EML2: variants seen among roughly 807,000 people sequenced by gnomAD.
The protein encoded by EML2 is EMAP like 2, also known as echinoderm microtubule-associated protein-like 2.
In EML2, 59 loss-of-function variants were observed where a neutral mutation model predicts 84.7. That is an observed-to-expected ratio of 0.70 (90% confidence interval 0.56 to 0.86). EML2 has a LOEUF of 0.86. Among genes scored for constraint, EML2 ranks in the 40% least tolerant of loss-of-function variants. EML2 has a pLI of 0.00. For missense variants in EML2, 818 were observed against 855.6 expected, an observed-to-expected ratio of 0.96 and a Z score of 0.55; for synonymous variants, 352 against 348.9, an observed-to-expected ratio of 1.01 and a Z score of -0.10.
chr19:45,609,899 T>C, intron 18 of EML2, 111 bp from the exon 19 acceptor site: 18 of 1,357,350 alleles, frequency 1.3e-5, no homozygotes, highest in Non-Finnish European at 1.8e-5. Flanking sequence ...TTTTTTTTTT[T>C]TTTAATCACT....
At chr19:45,627,915 G>C (rs1446830898) in intron 7 of EML2, among the ~76,000 whole-genome samples, 1 of 152,098 alleles carries the variant, frequency 6.6e-6, no homozygotes, top group African/African-American at 2.4e-5. Flanking sequence ...TACAAAATTA[G>C]CTGGTCGTGG....
upstream of EML2, chr19:45,645,421 TA>T (rs1322888079): frequency 6.8e-7 from 1 of 1,464,992 alleles, no homozygotes; most frequent in Non-Finnish European, 8.9e-7. Context: ...CCCGTTGCCA[TA>T]GCAACGCCCT....
At chr19:45,612,057 C>CT (rs150881342) in intron 18 of EML2, among the ~76,000 whole-genome samples, 13,031 of 145,146 alleles carry the variant, frequency 0.09, 628 homozygotes, top group East Asian at 0.23. Context: ...TTTTTGTATT[C>CT]TTTTTTTTTT....
chr19:45,639,664 C>T (rs187129939), upstream of EML2, among the ~76,000 whole-genome samples: 1 of 152,278 alleles, frequency 6.6e-6, no homozygotes, highest in Non-Finnish European at 1.5e-5. Context: ...GTCGTCCAAC[C>T]TCTGCCTCGG....
At position 45,632,884 on chromosome 19, in the gene EML2, A is replaced by G; in HGVS notation, c.487T>C (p.Cys163Arg). The G allele has an allele frequency of 1.2e-6, 2 of 1,614,118 alleles. No individual in the cohort carries two copies. The highest frequency in any genetic ancestry group is 1.7e-6 in the Non-Finnish European group (2 of 1,179,966). Residue 163 changes from cysteine (C) to arginine (R), a missense_variant, in exon 6 of 19, where the codon TGC (cysteine) becomes CGC (arginine). Coordinates refer to ENST00000245925, the MANE Select transcript of EML2 (RefSeq NM_012155.4). ...LGLGVFDRAV[C>R]CVGFSKSNGG... ...ACAGATTTGGAGAAGCCCACACAGC[A>G]CACGGCTCTGTCAAACACCCCCAAG... is the stretch of plus-strand genomic sequence containing the variant.
chr19:45,630,327 G>A (rs1349663459), intron 6 of EML2, among the ~76,000 whole-genome samples: 1 of 152,064 alleles, frequency 6.6e-6, no homozygotes, highest in Non-Finnish European at 1.5e-5. Context: ...GCCGAGGCAG[G>A]TGGATCACGA....
At chr19:45,626,960 CT>C (rs5828242) in intron 7 of EML2, 121 bp from the exon 8 acceptor site, 31,271 of 523,162 alleles carry the variant, frequency 0.06, 33 homozygotes, top group South Asian at 0.068. Context: ...CTGAACTTTT[CT>C]TTTTTTTTTT....
intron 9 of EML2, 112 bp from the exon 10 acceptor site, chr19:45,621,749 C>T: frequency 8.1e-7 from 1 of 1,240,600 alleles, no homozygotes; most frequent in Non-Finnish European, 1.1e-6. Flanking sequence ...CACTTTTCCA[C>T]CTTTTTTTTT....
At chr19:45,638,806 G>GC in intron 2 of EML2, 39 bp downstream of exon 2, 1 of 1,610,260 alleles carries the variant, frequency 6.2e-7, no homozygotes, top group Non-Finnish European at 8.5e-7. Flanking sequence ...ACCCCAACAA[G>GC]CAAGCTTCCA....
chr19:45,641,408 T>C, upstream of EML2: 1 of 511,628 alleles, frequency 2.0e-6, no homozygotes, highest in Non-Finnish European at 3.5e-6. Context: ...GACCTGACCG[T>C]CCAGCTTCTA....
upstream of EML2, chr19:45,645,456 C>A (rs767048991): frequency 7.1e-6 from 10 of 1,413,050 alleles, no homozygotes; most frequent in Non-Finnish European, 9.1e-6. Flanking sequence ...CCCAGCTCAG[C>A]TCGCCTGGCA....
At chr19:45,639,288 G>A (rs996773093) in intron 1 of EML2, 69 bp downstream of exon 1, 1 of 1,337,422 alleles carries the variant, frequency 7.5e-7, no homozygotes, top group South Asian at 1.9e-5. Context: ...CAGGGGTTGG[G>A]TGAAACCTGA....
intron 16 of EML2, among the ~76,000 whole-genome samples, chr19:45,615,595 C>T (rs1366619845): frequency 6.6e-6 from 1 of 151,382 alleles, no homozygotes; most frequent in Non-Finnish European, 1.5e-5. Flanking sequence ...CTGCATCCTA[C>T]CCATCCGACC....
Position 45,634,290 on chromosome 19 carries a change from C to A in EML2, c.329+32G>T, listed in dbSNP as rs1973440788. Reference sequence around the variant, plus strand: ...GCTGGAGCTCCATCTCCAGCCACAGCTCCCTCCCGTCCCCTCTGTCCCACA... The same window carrying A: ...GCTGGAGCTCCATCTCCAGCCACAGATCCCTCCCGTCCCCTCTGTCCCACA... On this transcript the variant is annotated intron_variant, in intron 4 of 18. Transcript: ENST00000245925. 4.3e-6 allele frequency: 7 copies of A among 1,611,774 alleles called. No individual in the cohort carries two copies. The East Asian group carries it at 1.6e-4, about 36-fold the overall frequency.
At chr19:45,611,221 C>G (rs1970460340) in intron 18 of EML2, among the ~76,000 whole-genome samples, 1 of 151,958 alleles carries the variant, frequency 6.6e-6, no homozygotes, top group Non-Finnish European at 1.5e-5. Context: ...ACCAGCCTGA[C>G]CAATATGGAG....
Position 45,615,820 on chromosome 19 carries a change from C to G in EML2, c.1579G>C (p.Asp527His), listed in dbSNP as rs1600085118. Reference protein sequence around the residue: ...DSSCFVTNSGDYEILYWDPAT... With the variant: ...DSSCFVTNSGHYEILYWDPAT... The stretch of plus-strand genomic sequence containing the variant: ...AACTCACAGTACAGAATCTCATAGT[C>G]CCCGGAGTTGGTGACAAAGCAGCTG... The change falls in exon 16 of 19, where the codon GAC (aspartate) becomes CAC (histidine). Residue 527 changes from aspartate to histidine, a missense_variant. Physicochemically the swap from Asp to His is moderately conservative, Grantham distance 81. Coordinates refer to ENST00000245925, the MANE Select transcript of EML2 (RefSeq NM_012155.4). 6.2e-7 allele frequency: 1 copy of G among 1,613,542 alleles called. No homozygotes were observed. The highest frequency in any genetic ancestry group is 2.2e-5 in the East Asian group (1 of 44,856).
chr19:45,632,702 C>T, intron 6 of EML2, 159 bp downstream of exon 6: 3 of 636,436 alleles, frequency 4.7e-6, no homozygotes, highest in Non-Finnish European at 8.1e-6. Context: ...CTCACCCGCC[C>T]CTTGGGGTGA....
At chr19:45,632,793 A>G in intron 6 of EML2, 68 bp downstream of exon 6, 1 of 1,391,844 alleles carries the variant, frequency 7.2e-7, no homozygotes, top group Non-Finnish European at 1.0e-6. Flanking sequence ...GGGGCGGGTG[A>G]AAAGGTGCGG....
At position 45,638,611 on chromosome 19, in the gene EML2, G is replaced by T; in HGVS notation, c.73C>A (p.Leu25Met). The change falls in exon 3 of 19, where the codon CTG becomes ATG. Residue 25 changes from leucine (L) to methionine (M), a missense_variant. By Grantham distance (15) the Leu-to-Met change is conservative (BLOSUM62 2). Transcript: ENST00000245925. ...ATCATGGGCACAGGGCGGCCCCTCA[G>T]GAACATTTTCACGGAGCCATCCTCT... ...SVEDGSVKMF[L>M]RGRPVPMMIP... 6.2e-7 allele frequency: 1 copy of T among 1,614,032 alleles called. No homozygotes were observed. The highest frequency in any genetic ancestry group is 8.5e-7 in the Non-Finnish European group (1 of 1,180,010).
Sources: allele counts gnomAD v4.1 joint callset (sites outside exome capture counted in the v4.1 genomes callset), GRCh38; gene constraint gnomAD v4.1.1; transcripts MANE v1.5; gene names NCBI Gene and HGNC (gene_info 2026-07-23, HGNC 2026-07-21).